The following KIAA0319L variants were observed in gnomAD, a reference collection of about 807,000 sequenced individuals.
The protein encoded by KIAA0319L is KIAA0319 like.
In KIAA0319L, 55 loss-of-function variants were observed where a neutral mutation model predicts 120.1. The ratio of observed to expected loss-of-function variants is 0.46; its 90% CI spans 0.37 to 0.57. The LOEUF is 0.57. KIAA0319L is among the 20% of genes least tolerant of loss of function. KIAA0319L has a pLI of 0.00. For missense variants in KIAA0319L, 1,049 were observed against 1,255.3 expected, an observed-to-expected ratio of 0.84 and a Z score of 2.48; for synonymous variants, 398 against 471.9, an observed-to-expected ratio of 0.84 and a Z score of 2.03.
intron 2 of KIAA0319L, among the ~76,000 whole-genome samples, chr1:35,547,808 T>C (rs867084282): frequency 1.3e-5 from 2 of 152,046 alleles, no homozygotes; most frequent in African/African-American, 2.4e-5. Flanking sequence ...TGGAATTAGA[T>C]AGTGGTATAT....
rs1640848044 is a variant in KIAA0319L, at chr1:35,437,059, C to T, written c.2963-1978G>A. Among the ~76,000 whole-genome samples, 4 of 152,166 alleles carry T rather than the reference C, an allele frequency of 2.6e-5. No individual in the cohort carries two copies. The highest frequency in any genetic ancestry group is 2.6e-4 in the Admixed American group (4 of 15,280). Reference sequence around the variant, plus strand: ...CCACACCGAACCTGAGCGGGCTCTCCCAGCTCCCTTCGGTAGACACTGCCC... The same window carrying T: ...CCACACCGAACCTGAGCGGGCTCTCTCAGCTCCCTTCGGTAGACACTGCCC... On this transcript the variant is annotated intron_variant, in intron 20 of 20. Coordinates refer to ENST00000325722, the MANE Select transcript of KIAA0319L (RefSeq NM_024874.5). The surrounding 1 kb of genome is among the most constrained non-coding windows in gnomAD (Gnocchi z 4.1).
rs189256174 is a variant in KIAA0319L, at chr1:35,454,800, G to A, written c.1657-315C>T. 8.1e-5 allele frequency: 21 copies of A among 259,808 alleles called. No homozygotes were observed. In the East Asian group the frequency reaches 1.5e-3, roughly 19 times the overall value. The allele number at this position is 259,808 out of a possible 1,614,324, so 16.1% of individuals were successfully genotyped here. A position where few individuals can be genotyped will look rare whatever the true frequency, so the allele number is the denominator to read the frequency against. ...AGGCCAGTCTCTATGACTCAAACCA[G>A]AAAGAATACCGTGAACAAACAATAA... On this transcript the variant is annotated intron_variant, in intron 10 of 20. Coordinates refer to ENST00000325722, the MANE Select transcript of KIAA0319L (RefSeq NM_024874.5).
At chr1:35,547,895 G>A (rs1159024529) in intron 2 of KIAA0319L, among the ~76,000 whole-genome samples, 1 of 152,172 alleles carries the variant, frequency 6.6e-6, no homozygotes, top group African/African-American at 2.4e-5. Context: ...GCCAAGGTGG[G>A]TAGAATGCTC....
intron 8 of KIAA0319L, 84 bp from the exon 9 acceptor site, chr1:35,460,521 C>T (rs1342446916): frequency 2.4e-6 from 3 of 1,247,810 alleles, no homozygotes; most frequent in Non-Finnish European, 2.2e-6. Context: ...GGACAACTAC[C>T]CAGAGATTTG....
intron 6 of KIAA0319L, among the ~76,000 whole-genome samples, chr1:35,469,471 C>T (rs1008599570): frequency 1.3e-4 from 20 of 152,134 alleles, no homozygotes; most frequent in African/African-American, 4.6e-4. Context: ...CTTAATCCGG[C>T]ATATAAGGCT....
At chr1:35,543,729 CA>C (rs900304522) in intron 2 of KIAA0319L, among the ~76,000 whole-genome samples, 6 of 151,826 alleles carry the variant, frequency 4.0e-5, no homozygotes, top group Non-Finnish European at 8.8e-5. Context: ...ACAACAACAA[CA>C]AAAAAAGGCA....
At chr1:35,469,458 G>A (rs888796585) in intron 6 of KIAA0319L, among the ~76,000 whole-genome samples, 7 of 152,080 alleles carry the variant, frequency 4.6e-5, no homozygotes, top group Admixed American at 4.6e-4. Context: ...AAGATTCAAA[G>A]TCCTTAATCC....
At chr1:35,486,149 G>A (rs1047729764) in intron 3 of KIAA0319L, among the ~76,000 whole-genome samples, 4 of 152,088 alleles carry the variant, frequency 2.6e-5, no homozygotes, top group East Asian at 1.9e-4. Flanking sequence ...TTGAGATGCC[G>A]AGGCAGGAGG....
intron 2 of KIAA0319L, among the ~76,000 whole-genome samples, chr1:35,517,104 G>A (rs545605543): frequency 5.5e-4 from 84 of 152,134 alleles, no homozygotes; most frequent in African/African-American, 2.0e-3. Flanking sequence ...TGAATAGGAA[G>A]AATCAATATC....
chr1:35,451,856 A>G, intron 12 of KIAA0319L, 80 bp from the exon 13 acceptor site: 1 of 1,438,000 alleles, frequency 7.0e-7, no homozygotes, highest in South Asian at 1.3e-5. Flanking sequence ...GGAGACAATG[A>G]CTCCCTCAGC....
rs550178332 is a variant in KIAA0319L, at chr1:35,473,181, C to T, written c.1015+1624G>A. ...CACAATCTTGGCTGACTGCAACATC[C>T]GCCTCCTGGGTTCAAGCGATTCTCC... is the stretch of plus-strand genomic sequence containing the variant. On this transcript the variant is annotated intron_variant, in intron 5 of 20. Coordinates refer to ENST00000325722, the MANE Select transcript of KIAA0319L (RefSeq NM_024874.5). 3.3e-5 allele frequency among the ~76,000 whole-genome samples: 5 copies of T among 150,108 alleles called. No homozygotes were observed. In the South Asian group the frequency reaches 6.3e-4, roughly 19 times the overall value.
intron 6 of KIAA0319L, 150 bp from the exon 7 acceptor site, chr1:35,466,845 A>G: frequency 1.6e-6 from 1 of 622,018 alleles, no homozygotes; most frequent in Non-Finnish European, 2.8e-6. Flanking sequence ...CTGTAATCCT[A>G]GCAATTTGGG....
intron 15 of KIAA0319L, among the ~76,000 whole-genome samples, chr1:35,449,665 G>A (rs913944747): frequency 1.3e-5 from 2 of 152,178 alleles, no homozygotes; most frequent in Admixed American, 1.3e-4. Flanking sequence ...TGAATAGGGG[G>A]AGGTCTGTAT....
At position 35,504,687 on chromosome 1, in the gene KIAA0319L, C is replaced by T. The variant is rs185072870; in HGVS notation, c.666+1925G>A. On this transcript the variant is annotated intron_variant, in intron 3 of 20. Coordinates refer to ENST00000325722, the MANE Select transcript of KIAA0319L (RefSeq NM_024874.5). ...GCACAAAGGGTTGACATTCCTAACC[C>T]CTACACTGTTCAAGGGTCAACTGTA... Among the ~76,000 whole-genome samples, 58 of 152,280 alleles carry T rather than the reference C, an allele frequency of 3.8e-4. 4 individuals are homozygous for T. The East Asian group carries it at 0.011, about 29-fold the overall frequency.
intron 3 of KIAA0319L, among the ~76,000 whole-genome samples, chr1:35,498,899 C>T (rs1644904814): frequency 6.6e-6 from 1 of 152,172 alleles, no homozygotes; most frequent in African/African-American, 2.4e-5. Context: ...TAATAAAAAT[C>T]CTACCAATGG....
In KIAA0319L at chr1:35,457,652, A is replaced by G. The variant is rs1473579102; in HGVS notation, c.1428-1411T>C. 2.0e-5 allele frequency among the ~76,000 whole-genome samples: 3 copies of G among 152,202 alleles called. No individual in the cohort carries two copies. In the East Asian group the frequency reaches 5.8e-4, roughly 29 times the overall value. ...AAGCAAGGAGGTTTGGGATCTTTCC[A>G]TTTTGCTGACAGAAAGAGGAAAAGC... On this transcript the variant is annotated intron_variant, in intron 9 of 20. Transcript: ENST00000325722.
intron 20 of KIAA0319L, chr1:35,439,025 T>C (rs1318712567): frequency 6.6e-6 from 1 of 152,064 alleles, no homozygotes; most frequent in African/African-American, 2.4e-5. Context: ...TAATAATAAA[T>C]GTAAACCAAA....
intron 20 of KIAA0319L, among the ~76,000 whole-genome samples, chr1:35,436,461 C>G (rs1318984543): frequency 6.6e-6 from 1 of 152,172 alleles, no homozygotes; most frequent in Non-Finnish European, 1.5e-5. Context: ...CAGGACATCT[C>G]CAGTGTGGTG....
intron 3 of KIAA0319L, among the ~76,000 whole-genome samples, chr1:35,504,128 C>T (rs760851767): frequency 2.6e-5 from 4 of 151,750 alleles, no homozygotes; most frequent in Non-Finnish European, 4.4e-5. Flanking sequence ...TCAATTGATA[C>T]ACCTGCCTCA....
Sources: gnomAD v4.1 joint callset for allele counts (sites outside exome capture counted in the v4.1 genomes callset) on GRCh38, gnomAD v4.1.1 for gene constraint, Gnocchi (gnomAD v3.1) non-coding constraint, MANE v1.5 for transcripts, NCBI Gene and HGNC (gene_info 2026-07-23, HGNC 2026-07-21) for gene names.